The following PDE6A variants were observed in gnomAD, a reference collection of about 807,000 sequenced individuals.
PDE6A encodes phosphodiesterase 6A, also known as rod cGMP-specific 3',5'-cyclic phosphodiesterase subunit alpha.
Under a neutral mutation model 106.3 loss-of-function variants are expected in PDE6A, and 84 were observed. The ratio of observed to expected loss-of-function variants is 0.79; its 90% CI spans 0.66 to 0.95. The LOEUF (loss-of-function observed/expected upper bound fraction) is 0.95. PDE6A is among the 40% of genes least tolerant of loss of function. PDE6A has a pLI of 0.00. For missense variants in PDE6A, 1,052 were observed against 1,084.9 expected (o/e 0.97, Z 0.43); for synonymous variants, 394 against 386.6 (o/e 1.02, Z -0.23).
intron 17 of PDE6A, among the ~76,000 whole-genome samples, chr5:149,878,493 A>G (rs901203892): frequency 2.0e-5 from 3 of 152,182 alleles, no homozygotes; most frequent in African/African-American, 4.8e-5. Context: ...CTGTACATAC[A>G]CTTGGTGCAC....
At chr5:149,906,765 G>A (rs190879017) in intron 7 of PDE6A, among the ~76,000 whole-genome samples, 15,756 of 151,630 alleles carry the variant, frequency 0.1, 1,117 homozygotes, top group East Asian at 0.2. Context: ...TTTTTATTTT[G>A]TTTTATTTAT....
intron 6 of PDE6A, among the ~76,000 whole-genome samples, chr5:149,913,688 G>A (rs376106706): frequency 2.6e-5 from 4 of 152,102 alleles, no homozygotes; most frequent in Non-Finnish European, 4.4e-5. Flanking sequence ...CCCACGAACC[G>A]AATTACAGCC....
At chr5:149,865,417 A>G (rs1257390976) in intron 20 of PDE6A, among the ~76,000 whole-genome samples, 3 of 150,892 alleles carry the variant, frequency 2.0e-5, no homozygotes, top group Admixed American at 1.3e-4. Flanking sequence ...TCAAAGAAAA[A>G]AAAAAAACCA....
intron 18 of PDE6A, 39 bp from the exon 19 acceptor site, chr5:149,867,838 C>T (rs1179147019): frequency 6.3e-7 from 1 of 1,589,092 alleles, no homozygotes; most frequent in Non-Finnish European, 8.6e-7. Flanking sequence ...GAGTCAGAGC[C>T]CCAGCCCAAT....
intron 4 of PDE6A, among the ~76,000 whole-genome samples, chr5:149,926,997 A>G (rs543467847): frequency 2.0e-3 from 306 of 150,978 alleles, no homozygotes; most frequent in East Asian, 5.8e-3. Context: ...AAAAAAAAAA[A>G]AGAGAGAGAG....
chr5:149,881,011 C>T (rs1336959382), intron 17 of PDE6A, among the ~76,000 whole-genome samples: 2 of 152,028 alleles, frequency 1.3e-5, no homozygotes, highest in East Asian at 1.9e-4. Flanking sequence ...TGCAGTGAGC[C>T]GAGATCGTGC....
chr5:149,942,291 T>G (rs1447376476), intron 1 of PDE6A, among the ~76,000 whole-genome samples: 1 of 152,060 alleles, frequency 6.6e-6, no homozygotes, highest in East Asian at 1.9e-4. Flanking sequence ...TTCATTACGG[T>G]TCTTGCTATA....
chr5:149,898,404 A>G lies in PDE6A; in HGVS notation c.1366T>C (p.Tyr456His). The G allele has an allele frequency of 1.2e-6, 2 of 1,613,584 alleles. No individual in the cohort carries two copies. The highest frequency in any genetic ancestry group is 1.7e-6 in the Non-Finnish European group (2 of 1,179,554). Residue 456 changes from tyrosine to histidine, a missense_variant, in exon 10 of 22, where the codon TAT becomes CAT. By Grantham distance (83) the Tyr-to-His change is moderately conservative (BLOSUM62 2). Coordinates refer to ENST00000255266, the MANE Select transcript of PDE6A (RefSeq NM_000440.3). ...TCTTCATTGTCACACTTCACATGAT[A>G]TTTTACTATGTCCTGGAAAATATCC... is the stretch of plus-strand genomic sequence containing the variant. ...RKDIFQDIVKYHVKCDNEEIQ... is the reference protein window; with the variant it reads ...RKDIFQDIVKHHVKCDNEEIQ...
At chr5:149,918,163 C>G (rs1425514089) in intron 5 of PDE6A, among the ~76,000 whole-genome samples, 2 of 152,210 alleles carry the variant, frequency 1.3e-5, no homozygotes, top group Non-Finnish European at 2.9e-5. Flanking sequence ...TAGAGATATA[C>G]TCCCAAATGT....
intron 17 of PDE6A, among the ~76,000 whole-genome samples, chr5:149,870,341 A>T (rs144285489): frequency 1.8e-4 from 27 of 152,348 alleles, no homozygotes; most frequent in African/African-American, 6.3e-4. Context: ...AAACACCTTT[A>T]TGCTTTATAA....
At chr5:149,898,835 C>T (rs1752856330) in intron 9 of PDE6A, among the ~76,000 whole-genome samples, 1 of 152,168 alleles carries the variant, frequency 6.6e-6, no homozygotes, top group African/African-American at 2.4e-5. Flanking sequence ...CCTAAAACTA[C>T]TCTAAAAAGT....
rs574674147 is a variant in PDE6A, at chr5:149,881,777, G to T, written c.2135+1652C>A. On this transcript the variant is annotated intron_variant, in intron 17 of 21. Coordinates refer to ENST00000255266, the MANE Select transcript of PDE6A (RefSeq NM_000440.3). Reference sequence around the variant, plus strand: ...AATTATAAATAAATAAATGTGGCTGGACGTGGTGGCTCACACTTGTAATCT... The same window carrying T: ...AATTATAAATAAATAAATGTGGCTGTACGTGGTGGCTCACACTTGTAATCT... Among the ~76,000 whole-genome samples the T allele has an allele frequency of 3.9e-5, 6 of 152,260 alleles. No homozygotes were observed. The East Asian group carries it at 1.2e-3, about 29-fold the overall frequency.
At chr5:149,939,657 G>A (rs1219680151) in intron 1 of PDE6A, among the ~76,000 whole-genome samples, 2 of 152,162 alleles carry the variant, frequency 1.3e-5, no homozygotes, top group Non-Finnish European at 2.9e-5. Flanking sequence ...ATGCTGTGGG[G>A]TAGCTCTTAT....
rs568428704 is a variant in PDE6A, at chr5:149,889,081, C to CAAAAA, written c.1729-2712_1729-2708dup. Among the ~76,000 whole-genome samples, 4 of 61,582 alleles carry CAAAAA rather than the reference C, an allele frequency of 6.5e-5. 1 individual carries two copies. Among genetic ancestry groups the CAAAAA allele is most frequent in the African/African-American group, 2.1e-4 (3 of 14,058 alleles). 40.4% of individuals were successfully genotyped at this position (61,582 alleles called of 152,430 possible). A position where few individuals can be genotyped will look rare whatever the true frequency, so the allele number is the denominator to read the frequency against. On this transcript the variant is annotated intron_variant, in intron 13 of 21. Transcript: ENST00000255266. ...TGGGCGACAGAGTGAGACTCTGTCT[C>CAAAAA]AAAAAAAAAAAAAAAAAGATCAGAA... is the stretch of plus-strand genomic sequence containing the variant.
intron 17 of PDE6A, among the ~76,000 whole-genome samples, chr5:149,880,691 C>T (rs932819672): frequency 2.6e-5 from 4 of 151,106 alleles, no homozygotes; most frequent in Non-Finnish European, 5.9e-5. Context: ...GGCAACAGAG[C>T]GAGACTCCAT....
At chr5:149,924,905 A>G (rs1753829354) in intron 4 of PDE6A, among the ~76,000 whole-genome samples, 1 of 152,218 alleles carries the variant, frequency 6.6e-6, no homozygotes. Context: ...ATTGGAATTC[A>G]GAGCCTGCCA....
chr5:149,929,997 G>A lies in PDE6A; in HGVS notation c.858+1031C>T, dbSNP rs575870123. ...AGCTGGACTCGAACTCCTGGCCACA[G>A]GCCATCCTCCCACCTCAACCTCCTA... is the stretch of plus-strand genomic sequence containing the variant. On this transcript the variant is annotated intron_variant, in intron 4 of 21. Coordinates refer to ENST00000255266, the MANE Select transcript of PDE6A (RefSeq NM_000440.3). Among the ~76,000 whole-genome samples, 230 of 152,258 alleles carry A rather than the reference G, an allele frequency of 1.5e-3. 1 individual carries two copies. The highest frequency in any genetic ancestry group is 1.8e-3 in the Non-Finnish European group (124 of 68,024).
At chr5:149,924,795 C>T (rs1753826259) in intron 4 of PDE6A, among the ~76,000 whole-genome samples, 2 of 152,202 alleles carry the variant, frequency 1.3e-5, no homozygotes, top group African/African-American at 2.4e-5. Context: ...ACCCTTGATT[C>T]GACCTTTCCT....
chr5:149,868,187 C>A, intron 17 of PDE6A, 29 bp from the exon 18 acceptor site: 1 of 1,607,038 alleles, frequency 6.2e-7, no homozygotes, highest in Non-Finnish European at 8.5e-7. Flanking sequence ...CTCTATCAGT[C>A]CAGGGCCATT....
Sources: allele counts gnomAD v4.1 joint callset (sites outside exome capture counted in the v4.1 genomes callset), GRCh38; gene constraint gnomAD v4.1.1; transcripts MANE v1.5; gene names NCBI Gene and HGNC (gene_info 2026-07-23, HGNC 2026-07-21).